The following ABTB3 variants were observed in gnomAD, a reference collection of about 807,000 sequenced individuals.
The protein encoded by ABTB3 is ankyrin repeat- and BTB/POZ domain-containing protein 3.
At chr12:107,445,820 C>T in the ABTB3 span, among the ~76,000 whole-genome samples, 2 of 150,212 alleles carry the variant, frequency 1.3e-5, no homozygotes, top group South Asian at 4.3e-4. Flanking sequence ...GGCTTATGGC[C>T]TCTTCCTCCA....
chr12:107,619,212 A>AT, the ABTB3 span, among the ~76,000 whole-genome samples: 1 of 152,204 alleles, frequency 6.6e-6, no homozygotes, highest in African/African-American at 2.4e-5. Context: ...CCTATTTTGC[A>AT]TGATGATGAA....
At chr12:107,635,551 T>C in the ABTB3 span, among the ~76,000 whole-genome samples, 1 of 152,040 alleles carries the variant, frequency 6.6e-6, no homozygotes, top group Non-Finnish European at 1.5e-5. Context: ...CTTTATTATG[T>C]GATGACACTG....
the ABTB3 span, among the ~76,000 whole-genome samples, chr12:107,363,087 A>C: frequency 5.9e-5 from 9 of 152,210 alleles, no homozygotes; most frequent in Non-Finnish European, 1.2e-4. Flanking sequence ...TTAAACTTAG[A>C]GGAAGATCCA....
the ABTB3 span, among the ~76,000 whole-genome samples, chr12:107,623,518 C>T: frequency 1.3e-5 from 2 of 152,032 alleles, no homozygotes; most frequent in Admixed American, 1.3e-4. Context: ...AGGCACCCAC[C>T]GCCATGCCTG....
At chr12:107,482,981 TTTCTTTCCTTCCTTCCTTCC>T in the ABTB3 span, among the ~76,000 whole-genome samples, 427 of 33,612 alleles carry the variant, frequency 0.013, 10 homozygotes, top group African/African-American at 0.039. Flanking sequence ...TCTTTCTTTC[TTTCTTTCCTTCCTTCCTTCC>T]TTCCTTCTTT....
chr12:107,601,397 T>C, the ABTB3 span, among the ~76,000 whole-genome samples: 1 of 152,186 alleles, frequency 6.6e-6, no homozygotes, highest in Non-Finnish European at 1.5e-5. Flanking sequence ...GTGGTGAAAA[T>C]TGGCTATTTA....
At chr12:107,602,538 A>T in the ABTB3 span, among the ~76,000 whole-genome samples, 2 of 152,214 alleles carry the variant, frequency 1.3e-5, no homozygotes, top group Admixed American at 1.3e-4. Context: ...TCATATCCAA[A>T]ATCCTGTAAA....
the ABTB3 span, among the ~76,000 whole-genome samples, chr12:107,606,945 T>TCTGGCCC: frequency 4.6e-5 from 7 of 152,214 alleles, no homozygotes; most frequent in Non-Finnish European, 8.8e-5. Flanking sequence ...CGCCTCCCTC[T>TCTGGCCC]GTCATGTTCA....
chr12:107,609,126 C>T, the ABTB3 span, among the ~76,000 whole-genome samples: 6,710 of 152,192 alleles, frequency 0.044, 507 homozygotes, highest in African/African-American at 0.15. Context: ...ACAGTGCGTG[C>T]CTCTGACCCC....
At chr12:107,542,351 G>C in the ABTB3 span, among the ~76,000 whole-genome samples, 3 of 150,398 alleles carry the variant, frequency 2.0e-5, no homozygotes, top group East Asian at 5.9e-4. Flanking sequence ...ATCTTAGGCG[G>C]CTGTCTCCCA....
the ABTB3 span, among the ~76,000 whole-genome samples, chr12:107,613,783 G>T: frequency 6.6e-6 from 1 of 152,108 alleles, no homozygotes; most frequent in Non-Finnish European, 1.5e-5. Context: ...AGAGATTGAC[G>T]GGCTGAAATC....
At chr12:107,540,830 T>A in the ABTB3 span, among the ~76,000 whole-genome samples, 1 of 151,778 alleles carries the variant, frequency 6.6e-6, no homozygotes, top group Non-Finnish European at 1.5e-5. Flanking sequence ...CTACAAAAAA[T>A]TAAAAAAATA....
At chr12:107,496,778 G>A in the ABTB3 span, among the ~76,000 whole-genome samples, 1 of 152,132 alleles carries the variant, frequency 6.6e-6, no homozygotes, top group Non-Finnish European at 1.5e-5. Context: ...GGAAACTGAG[G>A]CACGGAGAGG....
At chr12:107,630,420 C>T in the ABTB3 span, among the ~76,000 whole-genome samples, 1 of 151,486 alleles carries the variant, frequency 6.6e-6, no homozygotes, top group Non-Finnish European at 1.5e-5. Flanking sequence ...CTCCCTCTTT[C>T]TCTCTTCTGA....
chr12:107,353,335 T>G, the ABTB3 span, among the ~76,000 whole-genome samples: 1 of 152,118 alleles, frequency 6.6e-6, no homozygotes, highest in Non-Finnish European at 1.5e-5. Context: ...AAGTGGACGG[T>G]TAACAATCAA....
At chr12:107,480,208 G>A in the ABTB3 span, among the ~76,000 whole-genome samples, 9 of 152,110 alleles carry the variant, frequency 5.9e-5, no homozygotes, top group Admixed American at 2.0e-4. Context: ...GAAGTAGTTA[G>A]CATTAGCTAA....
At chr12:107,355,703 T>A in the ABTB3 span, among the ~76,000 whole-genome samples, 1 of 152,232 alleles carries the variant, frequency 6.6e-6, no homozygotes, top group Non-Finnish European at 1.5e-5. Context: ...AATAACTTTA[T>A]GCAAGAAGAA....
At chr12:107,620,232 G>T in the ABTB3 span, 3 of 1,566,734 alleles carry the variant, frequency 1.9e-6, no homozygotes, top group Admixed American at 3.6e-5. Context: ...AGATCTGAAC[G>T]GTCTTTTAGC....
the ABTB3 span, among the ~76,000 whole-genome samples, chr12:107,587,600 CACAGATCTGT>C: frequency 6.6e-6 from 1 of 152,100 alleles, no homozygotes; most frequent in Non-Finnish European, 1.5e-5. Context: ...ATACTTAATG[CACAGATCTGT>C]ACACTTAAAG....
Sources: gnomAD v4.1 joint callset for allele counts (sites outside exome capture counted in the v4.1 genomes callset) on GRCh38, gnomAD v4.1.1 for gene constraint, MANE v1.5 for transcripts, NCBI Gene and HGNC (gene_info 2026-07-23, HGNC 2026-07-21) for gene names.